CLEC4F: variants seen among roughly 807,000 people sequenced by gnomAD.
CLEC4F encodes the protein C-type lectin domain family 4 member F.
Under a neutral mutation model 53.4 loss-of-function variants are expected in CLEC4F, and 45 were observed. That is an observed-to-expected ratio of 0.84 (90% CI 0.66 to 1.08). The LOEUF is 1.08. Among genes scored for constraint, CLEC4F ranks in the 50% least tolerant of loss-of-function variants. The pLI, the probability that CLEC4F is intolerant of heterozygous loss-of-function variation, is 0.00. For synonymous variants in CLEC4F, 245 were observed against 257.5 expected, an observed-to-expected ratio of 0.95 and a Z score of 0.46; for missense variants, 753 against 698.2, an observed-to-expected ratio of 1.08 and a Z score of -0.88.
At chr2:70,809,692 C>A in intron 6 of CLEC4F, 47 bp downstream of exon 6, 1 of 1,410,728 alleles carries the variant, frequency 7.1e-7, no homozygotes, top group Non-Finnish European at 1.0e-6. Flanking sequence ...TAGCTAGGTC[C>A]ACCAAAGACA....
chr2:70,822,414 C>T (rs1159733469), upstream of CLEC4F, among the ~76,000 whole-genome samples: 3 of 149,574 alleles, frequency 2.0e-5, no homozygotes, highest in African/African-American at 7.4e-5. Context: ...TTCAATGAGC[C>T]CTATCCCTTC....
intron 3 of CLEC4F, among the ~76,000 whole-genome samples, chr2:70,817,644 G>A (rs1343575562): frequency 1.3e-5 from 2 of 152,084 alleles, no homozygotes; most frequent in African/African-American, 2.4e-5. Context: ...GTTTTATGAT[G>A]GCAAATTCCA....
At chr2:70,810,177 A>G in intron 5 of CLEC4F, among the ~76,000 whole-genome samples, 1 of 149,480 alleles carries the variant, frequency 6.7e-6, no homozygotes, top group East Asian at 2.0e-4. Context: ...CTTGATGAGG[A>G]TTGTGATCTA....
Position 70,809,109 on chromosome 2 carries a change from A to G in CLEC4F, c.*162T>C. ...AGACAACAGGGCTTTATACTGTTAGATGAAGGCAGCATCCCTTCCTGGTGC... is the reference window on the plus strand; with the variant it reads ...AGACAACAGGGCTTTATACTGTTAGGTGAAGGCAGCATCCCTTCCTGGTGC... On this transcript the variant is annotated 3_prime_UTR_variant, in exon 7 of 7. Transcript: ENST00000272367. 1.3e-6 allele frequency: 2 copies of G among 1,550,506 alleles called. No individual in the cohort carries two copies. The highest frequency in any genetic ancestry group is 1.4e-5 in the African/African-American group (1 of 73,182).
chr2:70,824,603 T>C (rs59993602), upstream of CLEC4F, among the ~76,000 whole-genome samples: 67,525 of 111,380 alleles, frequency 0.61, 19,962 homozygotes, highest in Middle Eastern at 0.74. Flanking sequence ...TACCAGAAAG[T>C]AAGGAGATGC....
chr2:70,816,242 T>C lies in CLEC4F; in HGVS notation c.1139A>G (p.Asn380Ser), dbSNP rs1553395815. The C allele has an allele frequency of 1.2e-6, 2 of 1,614,260 alleles. No individual in the cohort carries two copies. Among genetic ancestry groups the C allele is most frequent in the Non-Finnish European group, 1.7e-6 (2 of 1,180,050 alleles). Reference protein sequence around the residue: ...NTLNAQIQVLNGHMKNASREI... With the variant: ...NTLNAQIQVLSGHMKNASREI... Reference sequence around the variant, plus strand: ...TCTGCTGGCATTTTTCATATGACCATTTAAGACCTGAATCTGGGCATTTAA... The same window carrying C: ...TCTGCTGGCATTTTTCATATGACCACTTAAGACCTGAATCTGGGCATTTAA... The change falls in exon 4 of 7, where the codon AAT becomes AGT. Residue 380 changes from asparagine to serine, a missense_variant. Physicochemically the swap from Asn to Ser is conservative, Grantham distance 46. Transcript: ENST00000272367.
chr2:70,812,472 G>A lies in CLEC4F; in HGVS notation c.1514C>T (p.Ala505Val), dbSNP rs1553394502. 2 of 1,614,034 alleles carry A rather than the reference G, an allele frequency of 1.2e-6. No homozygotes were observed. The highest frequency in any genetic ancestry group is 2.2e-5 in the East Asian group (1 of 44,896). The change falls in exon 5 of 7, where the codon GCA (alanine) becomes GTA (valine). Residue 505 changes from alanine (A) to valine (V), a missense_variant. Transcript: ENST00000272367. ...QFCVSQGAHL[A>V]SVASKEEQAF... is the part of the protein sequence containing the mutation. Reference sequence around the variant, plus strand: ...CTGCTCCTCCTTGGAGGCCACAGATGCCAGATGGGCTCCCTGGGACACGCA... The same window carrying A: ...CTGCTCCTCCTTGGAGGCCACAGATACCAGATGGGCTCCCTGGGACACGCA...
intron 5 of CLEC4F, among the ~76,000 whole-genome samples, chr2:70,811,795 A>G (rs1676581794): frequency 6.6e-6 from 1 of 152,006 alleles, no homozygotes; most frequent in Non-Finnish European, 1.5e-5. Flanking sequence ...TAAAATCAAG[A>G]CAGGCTGGAT....
Position 70,816,080 on chromosome 2 carries a change from A to G in CLEC4F, c.1301T>C (p.Leu434Pro). The change falls in exon 4 of 7, where the codon CTA becomes CCA. Residue 434 changes from leucine (L) to proline (P), a missense_variant. Coordinates refer to ENST00000272367, the MANE Select transcript of CLEC4F (RefSeq NM_173535.3). ...LRGDLENTKA[L>P]TMEIQQEQSR... is the part of the protein sequence containing the mutation. ...CTGCTCCTGCTGGATTTCCATGGTT[A>G]GAGCTTTGGTGTTCTCTAGATCCCC... is the stretch of plus-strand genomic sequence containing the variant. 6.2e-7 allele frequency: 1 copy of G among 1,613,956 alleles called. No homozygotes were observed. The highest frequency in any genetic ancestry group is 8.5e-7 in the Non-Finnish European group (1 of 1,179,812).
chr2:70,819,849 G>A lies in CLEC4F; in HGVS notation c.104C>T (p.Pro35Leu), dbSNP rs1408823470. 3.7e-6 allele frequency: 6 copies of A among 1,607,284 alleles called. No individual in the cohort carries two copies. The highest frequency in any genetic ancestry group is 1.7e-5 in the Admixed American group (1 of 58,764). Residue 35 changes from proline to leucine, a missense_variant, in exon 2 of 7, where the codon CCG (proline) becomes CTG (leucine). Coordinates refer to ENST00000272367, the MANE Select transcript of CLEC4F (RefSeq NM_173535.3). ...TGCCGGGGTAGCCTGAACGAGCCTC[G>A]GTATCTTGGGGGCTGCAGGAGCCAT... ...VAMAPAAPKI[P>L]RLVQATPAFM...
rs782258207 is a variant in CLEC4F at position 70,819,884 on chromosome 2, G to C, written c.69C>G (p.Asp23Glu). The change falls in exon 2 of 7, where the codon GAC (aspartate) becomes GAG (glutamate). Residue 23 changes from aspartate (D) to glutamate (E), a missense_variant. By Grantham distance (45) the Asp-to-Glu change is conservative. Transcript: ENST00000272367. The part of the protein sequence containing the change: ...QCVSLHPQEV[D>E]SVAMAPAAPK... ...GGGCTGCAGGAGCCATTGCCACAGA[G>C]TCCACCTCTGCAGGGGAGAAGGCAG... is the stretch of plus-strand genomic sequence containing the variant. 1.3e-6 allele frequency: 2 copies of C among 1,589,620 alleles called. No homozygotes were observed. Among genetic ancestry groups the C allele is most frequent in the Admixed American group, 3.5e-5 (2 of 56,388 alleles).
intron 5 of CLEC4F, chr2:70,811,300 C>T: frequency 9.6e-7 from 1 of 1,038,272 alleles, no homozygotes; most frequent in Non-Finnish European, 1.5e-6. Flanking sequence ...TTAGGTGCTT[C>T]AAGAATTTTG....
chr2:70,809,401 A>G lies in CLEC4F; in HGVS notation c.1659-19T>C, dbSNP rs782037061. On this transcript the variant is annotated intron_variant, in intron 6 of 6. Coordinates refer to ENST00000272367, the MANE Select transcript of CLEC4F (RefSeq NM_173535.3). ...ACCAGGCCTGAGTAGGGCAGGGGGAAAAAAACAGAAAGACCCACTCACTGG... is the reference window on the plus strand; with the variant it reads ...ACCAGGCCTGAGTAGGGCAGGGGGAGAAAAACAGAAAGACCCACTCACTGG... The G allele has an allele frequency of 3.8e-6, 6 of 1,583,854 alleles. No individual in the cohort carries two copies. Among genetic ancestry groups the G allele is most frequent in the Non-Finnish European group, 5.1e-6 (6 of 1,165,448 alleles).
upstream of CLEC4F, among the ~76,000 whole-genome samples, chr2:70,824,502 C>G (rs1289169681): frequency 1.3e-5 from 2 of 150,942 alleles, no homozygotes; most frequent in Non-Finnish European, 3.0e-5. Flanking sequence ...ACACCATTCT[C>G]CAAAAAAAGG....
rs1553397475 is a variant in CLEC4F at position 70,819,814 on chromosome 2, C to T, written c.139G>A (p.Val47Met). ...LVQATPAFMA[V>M]TLVFSLVTLF... ...GTCACAAGAGAGAAGACCAAGGTCACAGCCATAAATGCCGGGGTAGCCTGA... is the reference window on the plus strand; with the variant it reads ...GTCACAAGAGAGAAGACCAAGGTCATAGCCATAAATGCCGGGGTAGCCTGA... Residue 47 changes from valine to methionine, a missense_variant, in exon 2 of 7, where the codon GTG becomes ATG. Val to Met is a conservative substitution (Grantham distance 21). Coordinates refer to ENST00000272367, the MANE Select transcript of CLEC4F (RefSeq NM_173535.3). 1.2e-6 allele frequency: 2 copies of T among 1,607,772 alleles called. No individual in the cohort carries two copies. Among genetic ancestry groups the T allele is most frequent in the Non-Finnish European group, 1.7e-6 (2 of 1,177,310 alleles).
chr2:70,813,728 A>T (rs182592110), intron 4 of CLEC4F, among the ~76,000 whole-genome samples: 1 of 150,038 alleles, frequency 6.7e-6, no homozygotes, highest in African/African-American at 2.5e-5. Context: ...CCCAGGCTGG[A>T]GTGCAATGGT....
At chr2:70,820,712 G>T, upstream of CLEC4F, 1 of 552,066 alleles carries the variant, frequency 1.8e-6, no homozygotes, top group Non-Finnish European at 3.2e-6. Flanking sequence ...TCCCCTAGAG[G>T]CTCCCAGATA....
upstream of CLEC4F, among the ~76,000 whole-genome samples, chr2:70,824,696 A>G (rs1677307787): frequency 1.3e-5 from 2 of 151,428 alleles, no homozygotes; most frequent in South Asian, 4.2e-4. Context: ...GGAGCTCCCA[A>G]TGGCCAAAGC....
intron 4 of CLEC4F, among the ~76,000 whole-genome samples, chr2:70,813,968 T>A (rs1676753884): frequency 6.6e-6 from 1 of 152,224 alleles, no homozygotes; most frequent in South Asian, 2.1e-4. Flanking sequence ...CGTAAGCCAC[T>A]GTGCCCCGTC....
Sources: gnomAD v4.1 joint callset for allele counts (sites outside exome capture counted in the v4.1 genomes callset) on GRCh38, gnomAD v4.1.1 for gene constraint, MANE v1.5 for transcripts, NCBI Gene and HGNC (gene_info 2026-07-23, HGNC 2026-07-21) for gene names.